The following GALNTL6 variants were observed in gnomAD, a reference collection of about 807,000 sequenced individuals.
The protein encoded by GALNTL6 is polypeptide N-acetylgalactosaminyltransferase like 6, also known as polypeptide N-acetylgalactosaminyltransferase-like 6.
Under a neutral mutation model 73.7 loss-of-function variants are expected in GALNTL6, and 46 were observed. The ratio of observed to expected loss-of-function variants is 0.62; its 90% CI spans 0.49 to 0.80. The LOEUF (loss-of-function observed/expected upper bound fraction) is 0.80. GALNTL6 is among the 30% of genes least tolerant of loss of function. The pLI is 0.00. For synonymous variants in GALNTL6, 259 were observed against 263.7 expected, an observed-to-expected ratio of 0.98 and a Z score of 0.17; for missense variants, 604 against 755.0, an observed-to-expected ratio of 0.80 and a Z score of 2.34.
chr4:171,838,273 A>G lies in GALNTL6; in HGVS notation c.138+23555A>G, dbSNP rs1735153919. On this transcript the variant is annotated intron_variant, in intron 2 of 12. Coordinates refer to ENST00000506823, the MANE Select transcript of GALNTL6 (RefSeq NM_001034845.3). ...CAAGAAGCTGGGGTTACAGGAGCAC[A>G]CCACCATGCCCATCTAAGTTTGAAT... Among the ~76,000 whole-genome samples, 2 of 151,794 alleles carry G rather than the reference A, an allele frequency of 1.3e-5. 1 individual carries two copies. The highest frequency in any genetic ancestry group is 4.1e-4 in the South Asian group (2 of 4,820).
chr4:172,702,799 T>C (rs1338311450), intron 5 of GALNTL6, among the ~76,000 whole-genome samples: 1 of 150,254 alleles, frequency 6.7e-6, no homozygotes, highest in Non-Finnish European at 1.5e-5. Context: ...AGGAATGAAC[T>C]AAGACAAATT....
At chr4:172,466,001 T>G (rs1013328720) in intron 5 of GALNTL6, among the ~76,000 whole-genome samples, 1 of 152,214 alleles carries the variant, frequency 6.6e-6, no homozygotes, top group African/African-American at 2.4e-5. Flanking sequence ...GTGTCTTCAT[T>G]TCTTAAAATG....
At chr4:172,558,487 A>G (rs933953080) in intron 5 of GALNTL6, among the ~76,000 whole-genome samples, 1 of 152,176 alleles carries the variant, frequency 6.6e-6, no homozygotes, top group Non-Finnish European at 1.5e-5. Flanking sequence ...GACAGCAGGG[A>G]TGTGTGTGCA....
chr4:173,029,103 G>C (rs538737962), intron 12 of GALNTL6, among the ~76,000 whole-genome samples: 9 of 152,294 alleles, frequency 5.9e-5, no homozygotes, highest in African/African-American at 2.2e-4. Flanking sequence ...ATTCTGGACA[G>C]GTATTGATTT....
chr4:171,918,562 G>A (rs986854219), intron 2 of GALNTL6, among the ~76,000 whole-genome samples: 1 of 152,140 alleles, frequency 6.6e-6, no homozygotes, highest in East Asian at 1.9e-4. Context: ...AAATGGTGCA[G>A]CCACTAAGGA....
At chr4:171,877,660 A>G (rs1736316756) in intron 2 of GALNTL6, among the ~76,000 whole-genome samples, 1 of 152,140 alleles carries the variant, frequency 6.6e-6, no homozygotes, top group Admixed American at 6.5e-5. Context: ...ATAACCCACT[A>G]AGTCTTAACT....
At chr4:172,663,565 A>G (rs1163835575) in intron 5 of GALNTL6, among the ~76,000 whole-genome samples, 1 of 152,210 alleles carries the variant, frequency 6.6e-6, no homozygotes, top group East Asian at 1.9e-4. Context: ...TCCCTGTATC[A>G]GAGAATAATG....
chr4:172,550,454 T>G (rs1056188306), intron 5 of GALNTL6, among the ~76,000 whole-genome samples: 1 of 152,206 alleles, frequency 6.6e-6, no homozygotes, highest in Non-Finnish European at 1.5e-5. Flanking sequence ...ATATTTACTC[T>G]TCTGTGAAGG....
chr4:172,948,257 TAGAGGG>T (rs1397306959), intron 9 of GALNTL6, among the ~76,000 whole-genome samples: 2 of 152,206 alleles, frequency 1.3e-5, no homozygotes, highest in African/African-American at 4.8e-5. Flanking sequence ...CACTTATAGC[TAGAGGG>T]AAACTTGTTA....
At chr4:172,519,829 C>G (rs1734719673) in intron 5 of GALNTL6, among the ~76,000 whole-genome samples, 1 of 151,520 alleles carries the variant, frequency 6.6e-6, no homozygotes, top group African/African-American at 2.4e-5. Context: ...GTGAAACAAA[C>G]TAATAAATCT....
chr4:172,337,172 G>T (rs573260340), intron 4 of GALNTL6, among the ~76,000 whole-genome samples: 4 of 151,990 alleles, frequency 2.6e-5, no homozygotes, highest in African/African-American at 9.6e-5. Flanking sequence ...TTACATTTAA[G>T]ATGGTTCTCT....
chr4:172,943,377 G>A (rs1053284040), intron 9 of GALNTL6, among the ~76,000 whole-genome samples: 1 of 152,128 alleles, frequency 6.6e-6, no homozygotes, highest in East Asian at 1.9e-4. Context: ...AAATCTGACT[G>A]GAACTCATGA....
intron 2 of GALNTL6, among the ~76,000 whole-genome samples, chr4:171,940,854 A>AATAC (rs1738516205): frequency 6.9e-6 from 1 of 145,824 alleles, no homozygotes; most frequent in African/African-American, 2.5e-5. Flanking sequence ...TAAATAAATA[A>AATAC]ATAAATAAAT....
intron 5 of GALNTL6, among the ~76,000 whole-genome samples, chr4:172,742,434 T>G (rs1736860717): frequency 6.6e-6 from 1 of 151,108 alleles, no homozygotes; most frequent in South Asian, 2.1e-4. Flanking sequence ...CTACTAGATC[T>G]GTGGCAAGAG....
intron 5 of GALNTL6, among the ~76,000 whole-genome samples, chr4:172,542,007 C>T (rs952184306): frequency 5.3e-5 from 8 of 151,212 alleles, no homozygotes; most frequent in African/African-American, 7.4e-5. Flanking sequence ...GAGGTATATA[C>T]CCTGGGGTTC....
In GALNTL6 at chr4:173,041,068, A is replaced by G. The variant is rs1257942663; in HGVS notation, c.*968A>G. The G allele has an allele frequency of 2.0e-5, 3 of 151,998 alleles. No homozygotes were observed. The allele number at this position is 151,998 out of a possible 1,614,324, so 9.4% of individuals were successfully genotyped here. A position where few individuals can be genotyped will look rare whatever the true frequency, so the allele number is the denominator to read the frequency against. Reference sequence around the variant, plus strand: ...TTTGTTTAGGAGATTCTTAAACCCAAATAAATCTACACTCCAAGTGATATG... The same window carrying G: ...TTTGTTTAGGAGATTCTTAAACCCAGATAAATCTACACTCCAAGTGATATG... On this transcript the variant is annotated 3_prime_UTR_variant, in exon 13 of 13. Transcript: ENST00000506823.
intron 2 of GALNTL6, among the ~76,000 whole-genome samples, chr4:172,190,019 G>A (rs949923264): frequency 4.1e-4 from 62 of 152,062 alleles, no homozygotes; most frequent in South Asian, 2.1e-4. Context: ...GTAAATAGAT[G>A]TTATGCATGT....
At chr4:172,253,669 T>C (rs1238800309) in intron 3 of GALNTL6, among the ~76,000 whole-genome samples, 1 of 151,954 alleles carries the variant, frequency 6.6e-6, no homozygotes, top group African/African-American at 2.4e-5. Context: ...AAGGTCACAT[T>C]GTGATGGTAA....
chr4:172,186,314 A>C (rs1735413134), intron 2 of GALNTL6, among the ~76,000 whole-genome samples: 1 of 152,168 alleles, frequency 6.6e-6, no homozygotes, highest in Non-Finnish European at 1.5e-5. Context: ...AATGTGGAGA[A>C]ATCGCTGTTG....
Sources: gnomAD v4.1 joint callset for allele counts (sites outside exome capture counted in the v4.1 genomes callset) on GRCh38, gnomAD v4.1.1 for gene constraint, MANE v1.5 for transcripts, NCBI Gene and HGNC (gene_info 2026-07-23, HGNC 2026-07-21) for gene names.